The following EHBP1 variants were observed in gnomAD, a reference collection of about 807,000 sequenced individuals.
EHBP1 encodes EH domain-binding protein 1.
A neutral mutation model predicts 144.0 loss-of-function variants in EHBP1; 55 were observed. The ratio of observed to expected loss-of-function variants is 0.38; its 90% CI spans 0.31 to 0.48. The LOEUF (loss-of-function observed/expected upper bound fraction) is 0.48. Among genes scored for constraint, EHBP1 ranks in the 20% least tolerant of loss-of-function variants. The pLI is 0.98. For missense variants in EHBP1, 1,200 were observed against 1,364.2 expected (o/e 0.88, Z 1.90); for synonymous variants, 469 against 472.7 (o/e 0.99, Z 0.10).
chr2:63,028,293 A>T (rs944142351), intron 19 of EHBP1, among the ~76,000 whole-genome samples: 1 of 152,214 alleles, frequency 6.6e-6, no homozygotes, highest in Admixed American at 6.5e-5. Flanking sequence ...TTACCTGGTT[A>T]TCTGAACCCA....
chr2:62,731,591 G>C (rs1299607517), intron 2 of EHBP1, among the ~76,000 whole-genome samples: 1 of 151,944 alleles, frequency 6.6e-6, no homozygotes, highest in African/African-American at 2.4e-5. Context: ...TTTCCTAGTT[G>C]TCTGAGAGTT....
chr2:62,700,879 T>A (rs2034260906), upstream of EHBP1, among the ~76,000 whole-genome samples: 1 of 152,172 alleles, frequency 6.6e-6, no homozygotes, highest in Non-Finnish European at 1.5e-5. Context: ...CTGGCCTAGA[T>A]AACAACCCAG....
At chr2:62,742,762 C>G (rs1304538280) in intron 2 of EHBP1, among the ~76,000 whole-genome samples, 1 of 152,062 alleles carries the variant, frequency 6.6e-6, no homozygotes, top group East Asian at 1.9e-4. Flanking sequence ...CTTCTGTTGA[C>G]TTGGAAAACA....
At chr2:63,039,528 C>T (rs1375267092) in intron 21 of EHBP1, among the ~76,000 whole-genome samples, 1 of 151,988 alleles carries the variant, frequency 6.6e-6, no homozygotes, top group East Asian at 1.9e-4. Context: ...ATCCTTTGGG[C>T]TCTGTAAAAT....
At chr2:62,751,817 G>C (rs1157515133) in intron 3 of EHBP1, among the ~76,000 whole-genome samples, 2 of 152,134 alleles carry the variant, frequency 1.3e-5, no homozygotes. Flanking sequence ...ATTTTTATGG[G>C]ATCGGTGGTG....
intron 19 of EHBP1, among the ~76,000 whole-genome samples, chr2:63,011,584 C>A (rs1275685910): frequency 6.6e-6 from 1 of 151,900 alleles, no homozygotes; most frequent in African/African-American, 2.4e-5. Flanking sequence ...AACATTACAG[C>A]AATCTTGGTA....
chr2:63,004,645 A>T (rs2059967459), intron 19 of EHBP1, among the ~76,000 whole-genome samples: 1 of 152,148 alleles, frequency 6.6e-6, no homozygotes, highest in Non-Finnish European at 1.5e-5. Context: ...AGTCATTTTC[A>T]ACCTAATGAA....
At chr2:62,944,970 G>A (rs2056980145) in intron 12 of EHBP1, among the ~76,000 whole-genome samples, 1 of 152,130 alleles carries the variant, frequency 6.6e-6, no homozygotes, top group African/African-American at 2.4e-5. Context: ...CCTTGAACAT[G>A]GTTGAGGGAA....
intron 3 of EHBP1, among the ~76,000 whole-genome samples, chr2:62,759,296 C>T (rs1156604163): frequency 2.0e-5 from 3 of 152,174 alleles, no homozygotes; most frequent in Admixed American, 6.5e-5. Flanking sequence ...AGCCAAATGG[C>T]TGTATGTGTG....
At chr2:62,728,984 ATTTAC>A (rs2037121050) in intron 2 of EHBP1, among the ~76,000 whole-genome samples, 2 of 151,670 alleles carry the variant, frequency 1.3e-5, no homozygotes, top group East Asian at 1.9e-4. Context: ...GTATGTGAGT[ATTTAC>A]TTCTAGCACC....
chr2:62,982,529 A>G (rs925318813), intron 15 of EHBP1, among the ~76,000 whole-genome samples: 2 of 152,214 alleles, frequency 1.3e-5, no homozygotes, highest in Middle Eastern at 3.2e-3. Flanking sequence ...GGAAAGAATT[A>G]ACAAATTAGT....
chr2:63,004,401 A>T (rs1180160860), intron 19 of EHBP1, among the ~76,000 whole-genome samples: 2 of 152,102 alleles, frequency 1.3e-5, no homozygotes, highest in African/African-American at 4.8e-5. Flanking sequence ...GATAGGGCAT[A>T]TGGGAAGGTC....
intron 7 of EHBP1, among the ~76,000 whole-genome samples, chr2:62,853,924 G>T (rs2048854800): frequency 6.6e-6 from 1 of 152,256 alleles, no homozygotes; most frequent in South Asian, 2.1e-4. Flanking sequence ...TCAACAATGG[G>T]CTTAAAATAT....
intron 2 of EHBP1, among the ~76,000 whole-genome samples, chr2:62,729,546 T>C (rs1344542724): frequency 4.2e-5 from 5 of 120,328 alleles, no homozygotes; most frequent in African/African-American, 1.6e-4. Flanking sequence ...TAATATATAT[T>C]ATATATAATA....
chr2:63,036,009 T>C (rs1439196137), intron 19 of EHBP1, among the ~76,000 whole-genome samples: 1 of 152,000 alleles, frequency 6.6e-6, no homozygotes, highest in Non-Finnish European at 1.5e-5. Flanking sequence ...GTACCATTAG[T>C]TTTAACAGCA....
At chr2:62,739,937 A>G (rs74522513) in intron 2 of EHBP1, among the ~76,000 whole-genome samples, 1 of 65,660 alleles carries the variant, frequency 1.5e-5, no homozygotes, top group African/African-American at 5.8e-5. Flanking sequence ...CTGTCTCAGA[A>G]AAAAAAAAAA....
intron 2 of EHBP1, among the ~76,000 whole-genome samples, chr2:62,723,965 T>C (rs1053137912): frequency 2.6e-5 from 4 of 152,212 alleles, no homozygotes; most frequent in Non-Finnish European, 5.9e-5. Flanking sequence ...ATGATCTTCT[T>C]GTGAAGTATC....
chr2:63,002,507 T>A (rs2059888589), intron 19 of EHBP1, among the ~76,000 whole-genome samples: 1 of 152,132 alleles, frequency 6.6e-6, no homozygotes, highest in Non-Finnish European at 1.5e-5. Context: ...GTGGCATGAA[T>A]GCTGGTTCAG....
chr2:62,813,563 C>A (rs2045206948), intron 5 of EHBP1, among the ~76,000 whole-genome samples: 1 of 152,156 alleles, frequency 6.6e-6, no homozygotes, highest in South Asian at 2.1e-4. Context: ...GCAACTCCAG[C>A]CTGGGAAAGC....
Sources: allele counts gnomAD v4.1 joint callset (sites outside exome capture counted in the v4.1 genomes callset), GRCh38; gene constraint gnomAD v4.1.1; transcripts MANE v1.5; gene names NCBI Gene and HGNC (gene_info 2026-07-23, HGNC 2026-07-21).